The following RALGPS2 variants were observed in gnomAD, a reference collection of about 807,000 sequenced individuals.
RALGPS2 encodes Ral GEF with PH domain and SH3 binding motif 2.
Under a neutral mutation model 86.8 loss-of-function variants are expected in RALGPS2, and 43 were observed. That is an observed-to-expected ratio of 0.50 (90% CI 0.39 to 0.64). The LOEUF (loss-of-function observed/expected upper bound fraction) is 0.64. Among genes scored for constraint, RALGPS2 ranks in the 30% least tolerant of loss-of-function variants. RALGPS2 has a pLI of 0.00. For synonymous variants in RALGPS2, 243 were observed against 231.3 expected (o/e 1.05, Z -0.46); for missense variants, 536 against 694.6 (o/e 0.77, Z 2.57).
At chr1:178,892,330 G>T in intron 15 of RALGPS2, 23 bp downstream of exon 15, 1 of 1,602,932 alleles carries the variant, frequency 6.2e-7, no homozygotes, top group Non-Finnish European at 8.5e-7. Flanking sequence ...TGCATTCAGG[G>T]GTCACAGAAC....
chr1:178,800,659 T>C (rs1407581619), intron 4 of RALGPS2, among the ~76,000 whole-genome samples: 1 of 152,194 alleles, frequency 6.6e-6, no homozygotes, highest in Non-Finnish European at 1.5e-5. Flanking sequence ...CAGTAGGCTA[T>C]TAGTGGTTTT....
chr1:178,762,630 C>T (rs912513759), intron 1 of RALGPS2, among the ~76,000 whole-genome samples: 7 of 152,164 alleles, frequency 4.6e-5, no homozygotes, highest in Admixed American at 4.6e-4. Context: ...TTTTCATATG[C>T]TTATTGCCCA....
At chr1:178,768,159 T>G (rs1189040468) in intron 1 of RALGPS2, among the ~76,000 whole-genome samples, 1 of 152,248 alleles carries the variant, frequency 6.6e-6, no homozygotes, top group African/African-American at 2.4e-5. Context: ...TTGTCGGTGC[T>G]TTGAATTCTT....
intron 9 of RALGPS2, 71 bp from the exon 10 acceptor site, chr1:178,878,831 T>C: frequency 6.4e-7 from 1 of 1,565,942 alleles, no homozygotes; most frequent in Admixed American, 2.0e-5. Flanking sequence ...TTTAAGTTAT[T>C]TTCAGCTTAA....
At chr1:178,852,839 T>C (rs1372207029) in intron 8 of RALGPS2, 2 of 1,613,840 alleles carry the variant, frequency 1.2e-6, no homozygotes, top group East Asian at 2.2e-5. Flanking sequence ...GCATAGACTT[T>C]TTTATCACTC....
At chr1:178,903,786 A>G (rs1340523186) in intron 18 of RALGPS2, among the ~76,000 whole-genome samples, 1 of 152,102 alleles carries the variant, frequency 6.6e-6, no homozygotes, top group African/African-American at 2.4e-5. Context: ...TGATTTTGCA[A>G]TTGTGAATTG....
At chr1:178,747,688 A>G in intron 1 of RALGPS2, 2 of 1,478,018 alleles carry the variant, frequency 1.4e-6, no homozygotes, top group Non-Finnish European at 1.9e-6. Context: ...GTGATCATCA[A>G]GTACAGCAGC....
At chr1:178,830,797 ATGGAAAAG>A (rs929908539) in intron 7 of RALGPS2, among the ~76,000 whole-genome samples, 36 of 152,328 alleles carry the variant, frequency 2.4e-4, no homozygotes, top group African/African-American at 8.2e-4. Flanking sequence ...ATACCTTAAA[ATGGAAAAG>A]AGGATGCAGT....
intron 8 of RALGPS2, among the ~76,000 whole-genome samples, chr1:178,862,097 T>C (rs934062478): frequency 6.6e-6 from 1 of 152,064 alleles, no homozygotes; most frequent in African/African-American, 2.4e-5. Flanking sequence ...GGTCTCAAAC[T>C]CCTGACCTCA....
intron 1 of RALGPS2, among the ~76,000 whole-genome samples, chr1:178,726,683 A>G (rs1406906346): frequency 6.6e-6 from 1 of 152,124 alleles, no homozygotes; most frequent in Non-Finnish European, 1.5e-5. Flanking sequence ...TAGTTGCTAT[A>G]GAGAGCCTTT....
At chr1:178,904,573 A>G (rs908038097) in intron 18 of RALGPS2, among the ~76,000 whole-genome samples, 2 of 152,198 alleles carry the variant, frequency 1.3e-5, no homozygotes, top group African/African-American at 2.4e-5. Context: ...ACATGCGGCT[A>G]GCCAATTATC....
chr1:178,821,588 C>A, intron 6 of RALGPS2, 24 bp from the exon 7 acceptor site: 1 of 1,573,912 alleles, frequency 6.4e-7, no homozygotes, highest in South Asian at 1.1e-5. Context: ...CATCCCTCTC[C>A]CCCATTTTTT....
chr1:178,832,719 A>G (rs1163806602), intron 7 of RALGPS2, among the ~76,000 whole-genome samples: 1 of 151,994 alleles, frequency 6.6e-6, no homozygotes, highest in African/African-American at 2.4e-5. Context: ...AGTCTTTGGA[A>G]TGATTTGAAA....
At chr1:178,744,243 AC>A (rs1286231899) in intron 1 of RALGPS2, among the ~76,000 whole-genome samples, 7 of 152,338 alleles carry the variant, frequency 4.6e-5, no homozygotes, top group African/African-American at 1.7e-4. Context: ...AGTAAAAAAA[AC>A]TATATGATCA....
At position 178,883,821 on chromosome 1, in the gene RALGPS2, T is replaced by TA. The variant is rs550650882; in HGVS notation, c.904+295dup. Among the ~76,000 whole-genome samples the TA allele has an allele frequency of 3.3e-3, 508 of 151,920 alleles. 5 individuals carry two copies. Among genetic ancestry groups the TA allele is most frequent in the African/African-American group, 0.011 (443 of 41,434 alleles). ...TAACACAGTGAAACCCCGTCTCTGC[T>TA]AAAAAAATAACAAAAAAATTAGCCG... On this transcript the variant is annotated intron_variant, in intron 11 of 19. Coordinates refer to ENST00000367635, the MANE Select transcript of RALGPS2 (RefSeq NM_152663.5).
chr1:178,907,159 G>A (rs1660420550), intron 19 of RALGPS2, among the ~76,000 whole-genome samples: 1 of 152,122 alleles, frequency 6.6e-6, no homozygotes, highest in African/African-American at 2.4e-5. Flanking sequence ...CATAAGGTTG[G>A]GCAGCAAAGA....
At chr1:178,856,946 A>G (rs1657626026) in intron 8 of RALGPS2, among the ~76,000 whole-genome samples, 1 of 152,172 alleles carries the variant, frequency 6.6e-6, no homozygotes, top group Non-Finnish European at 1.5e-5. Context: ...TGTGCTTGGA[A>G]AAAATCCCAT....
rs570756525 is a variant in RALGPS2 at position 178,866,485 on chromosome 1, T to C, written c.608-11013T>C. 7.2e-5 allele frequency among the ~76,000 whole-genome samples: 11 copies of C among 152,302 alleles called. No homozygotes were observed. The East Asian group carries it at 1.9e-3, about 27-fold the overall frequency. ...TGCTCACAGTCATTGTGGGTAATTATATTTCCTGAACTGTAATTATATGTA... is the reference window on the plus strand; with the variant it reads ...TGCTCACAGTCATTGTGGGTAATTACATTTCCTGAACTGTAATTATATGTA... On this transcript the variant is annotated intron_variant, in intron 8 of 19. Transcript: ENST00000367635.
chr1:178,869,410 A>T (rs1658610675), intron 8 of RALGPS2: 1 of 152,140 alleles, frequency 6.6e-6, no homozygotes, highest in Non-Finnish European at 1.5e-5. Context: ...AAGAGACTTG[A>T]GAACAATCTA....
Sources: allele counts gnomAD v4.1 joint callset (sites outside exome capture counted in the v4.1 genomes callset), GRCh38; gene constraint gnomAD v4.1.1; transcripts MANE v1.5; gene names NCBI Gene and HGNC (gene_info 2026-07-23, HGNC 2026-07-21).